RGS21: variants seen among roughly 807,000 people sequenced by gnomAD.
The protein encoded by RGS21 is regulator of G-protein signalling 21.
In RGS21, 19 loss-of-function variants were observed where a neutral mutation model predicts 18.7. The ratio of observed to expected loss-of-function variants is 1.01; its 90% CI spans 0.71 to 1.49. The LOEUF is 1.49. Ranked by LOEUF, RGS21 falls within the 40% of genes most tolerant of loss-of-function variation. The pLI, the probability that RGS21 is intolerant of heterozygous loss-of-function variation, is 0.00. For synonymous variants in RGS21, 56 were observed against 57.8 expected, an observed-to-expected ratio of 0.97 and a Z score of 0.14; for missense variants, 194 against 176.8, an observed-to-expected ratio of 1.10 and a Z score of -0.55.
At chr1:192,351,674 C>A (rs970620579) in intron 3 of RGS21, among the ~76,000 whole-genome samples, 1 of 147,122 alleles carries the variant, frequency 6.8e-6, no homozygotes, top group African/African-American at 2.5e-5. Context: ...ACATATATAA[C>A]ACATATAATA....
intron 1 of RGS21, among the ~76,000 whole-genome samples, chr1:192,326,410 T>C (rs1012051297): frequency 9.9e-5 from 15 of 152,094 alleles, no homozygotes; most frequent in Non-Finnish European, 1.9e-4. Context: ...TTAAGTAAGA[T>C]AAATTCCACA....
chr1:192,360,309 C>A (rs923348748), intron 4 of RGS21, among the ~76,000 whole-genome samples: 1 of 152,072 alleles, frequency 6.6e-6, no homozygotes, highest in African/African-American at 2.4e-5. Flanking sequence ...TTCTCATATA[C>A]CCTATATTCA....
In RGS21 at chr1:192,366,117, T is replaced by G; in HGVS notation, c.452T>G (p.Phe151Cys). The G allele has an allele frequency of 6.3e-7, 1 of 1,585,062 alleles. No homozygotes were observed. The highest frequency in any genetic ancestry group is 8.6e-7 in the Non-Finnish European group (1 of 1,164,148). Residue 151 changes from phenylalanine to cysteine, a missense_variant, in exon 5 of 5, where the codon TTT (phenylalanine) becomes TGT (cysteine). Coordinates refer to ENST00000417209, the MANE Select transcript of RGS21 (RefSeq NM_001039152.3). ...QVPNHKKWLP[F>C]L is the part of the protein sequence containing the mutation. The stretch of plus-strand genomic sequence containing the variant: ...CCAAATCATAAAAAATGGCTCCCTT[T>G]TTTGTGAGGAAGGTAAAAGTTAACT...
At chr1:192,345,464 T>C (rs1193198354) in intron 2 of RGS21, among the ~76,000 whole-genome samples, 1 of 152,086 alleles carries the variant, frequency 6.6e-6, no homozygotes, top group Non-Finnish European at 1.5e-5. Flanking sequence ...GTGTCAATAT[T>C]TGGGGTTTGG....
intron 4 of RGS21, among the ~76,000 whole-genome samples, chr1:192,364,768 G>A (rs1411466823): frequency 1.3e-5 from 2 of 152,090 alleles, no homozygotes; most frequent in Non-Finnish European, 2.9e-5. Flanking sequence ...TCTGCTAAGT[G>A]CTAGAAAATA....
At chr1:192,354,747 A>C (rs1659089172) in intron 4 of RGS21, among the ~76,000 whole-genome samples, 1 of 151,324 alleles carries the variant, frequency 6.6e-6, no homozygotes, top group Non-Finnish European at 1.5e-5. Flanking sequence ...TTCCTTGGTA[A>C]AATAAAGAAC....
chr1:192,339,378 G>A (rs1658818384), intron 1 of RGS21, among the ~76,000 whole-genome samples: 3 of 151,974 alleles, frequency 2.0e-5, no homozygotes, highest in Admixed American at 2.0e-4. Context: ...GGTTAATAGT[G>A]GGGTCTCATG....
chr1:192,343,754 A>G (rs2102230332), intron 2 of RGS21, among the ~76,000 whole-genome samples: 1 of 152,264 alleles, frequency 6.6e-6, no homozygotes, highest in African/African-American at 2.4e-5. Flanking sequence ...ATCATACACA[A>G]ACAAAAACTT....
chr1:192,331,543 C>CAA (rs1474604814), intron 1 of RGS21, among the ~76,000 whole-genome samples: 12 of 117,530 alleles, frequency 1.0e-4, no homozygotes, highest in African/African-American at 3.8e-4. Context: ...AAGACTCCGT[C>CAA]TCTAAATAAA....
intron 1 of RGS21, among the ~76,000 whole-genome samples, chr1:192,334,331 T>C (rs1462266702): frequency 6.6e-6 from 1 of 152,158 alleles, no homozygotes; most frequent in African/African-American, 2.4e-5. Flanking sequence ...AGTTATATGC[T>C]ATTACAGTCA....
chr1:192,338,195 C>T (rs1386471131), intron 1 of RGS21, among the ~76,000 whole-genome samples: 3 of 152,040 alleles, frequency 2.0e-5, no homozygotes, highest in African/African-American at 7.2e-5. Flanking sequence ...CCATTAGAAC[C>T]GCTCTCAGAA....
chr1:192,337,123 A>G (rs901022027), intron 1 of RGS21, among the ~76,000 whole-genome samples: 4 of 152,086 alleles, frequency 2.6e-5, no homozygotes, highest in Non-Finnish European at 2.9e-5. Context: ...ATGTATTTGG[A>G]TGTAATAGAC....
intron 2 of RGS21, among the ~76,000 whole-genome samples, chr1:192,346,195 A>T (rs1281398388): frequency 6.6e-6 from 1 of 152,066 alleles, no homozygotes; most frequent in Non-Finnish European, 1.5e-5. Flanking sequence ...AATGAGGATG[A>T]CCATTATTAA....
At chr1:192,365,852 A>C (rs1042947845) in intron 4 of RGS21, 69 bp from the exon 5 acceptor site, 8 of 824,404 alleles carry the variant, frequency 9.7e-6, no homozygotes, top group Non-Finnish European at 1.6e-5. Context: ...ATTTTAAATA[A>C]TATATATGTA....
intron 2 of RGS21, 136 bp downstream of exon 2, chr1:192,343,183 T>A (rs1470694562): frequency 2.3e-6 from 2 of 879,188 alleles, no homozygotes; most frequent in Admixed American, 4.1e-5. Context: ...TTTTTTCTCC[T>A]TTCTCTACTG....
chr1:192,361,450 A>G (rs1363243908), intron 4 of RGS21, among the ~76,000 whole-genome samples: 2 of 152,184 alleles, frequency 1.3e-5, no homozygotes, highest in African/African-American at 4.8e-5. Context: ...TATTGAATCC[A>G]TCTGTAGTGA....
rs566994925 is a variant in RGS21 at position 192,340,880 on chromosome 1, G to A, written c.-60-2097G>A. Reference sequence around the variant, plus strand: ...CTACAAGAACAGTATGGGGGAAACCGCCCACATGATTCAATTATCTCCCTC... The same window carrying A: ...CTACAAGAACAGTATGGGGGAAACCACCCACATGATTCAATTATCTCCCTC... On this transcript the variant is annotated intron_variant, in intron 1 of 4. Coordinates refer to ENST00000417209, the MANE Select transcript of RGS21 (RefSeq NM_001039152.3). Among the ~76,000 whole-genome samples the A allele has an allele frequency of 1.2e-4, 18 of 152,048 alleles. No homozygotes were observed. In the South Asian group the frequency reaches 2.3e-3, roughly 19 times the overall value.
intron 1 of RGS21, among the ~76,000 whole-genome samples, chr1:192,340,579 C>T (rs1658843761): frequency 6.6e-6 from 1 of 151,220 alleles, no homozygotes; most frequent in Non-Finnish European, 1.5e-5. Flanking sequence ...AAAAAACTGC[C>T]ACCAACTTAC....
intron 2 of RGS21, among the ~76,000 whole-genome samples, chr1:192,344,001 TA>T (rs1437044022): frequency 9.9e-5 from 15 of 152,050 alleles, no homozygotes; most frequent in Non-Finnish European, 2.2e-4. Context: ...AACATTTATA[TA>T]GTTACATTTT....
Sources: allele counts gnomAD v4.1 joint callset (sites outside exome capture counted in the v4.1 genomes callset), GRCh38; gene constraint gnomAD v4.1.1; transcripts MANE v1.5; gene names NCBI Gene and HGNC (gene_info 2026-07-23, HGNC 2026-07-21).